The following DLG2 variants were observed in gnomAD, a reference collection of about 807,000 sequenced individuals.
DLG2 encodes the protein disks large homolog 2.
In DLG2, 45 loss-of-function variants were observed where a neutral mutation model predicts 132.5. The observed-to-expected ratio is 0.34, with a 90% CI of 0.27 to 0.44. The LOEUF is 0.44. Among genes scored for constraint, DLG2 ranks in the 20% least tolerant of loss-of-function variants. DLG2 has a pLI of 1.00. For missense variants in DLG2, 1,045 were observed against 1,196.9 expected (o/e 0.87, Z 1.87); for synonymous variants, 424 against 419.6 (o/e 1.01, Z -0.13).
intron 7 of DLG2, among the ~76,000 whole-genome samples, chr11:84,328,051 T>G (rs1384669460): frequency 1.3e-5 from 2 of 152,154 alleles, no homozygotes; most frequent in African/African-American, 4.8e-5. Flanking sequence ...CCGTTCTAGA[T>G]CCTCTACTGA....
chr11:83,921,167 G>T (rs2077812699), intron 15 of DLG2, among the ~76,000 whole-genome samples: 1 of 152,060 alleles, frequency 6.6e-6, no homozygotes. Flanking sequence ...GAGTTAATTT[G>T]TATAAAGTTC....
intron 19 of DLG2, among the ~76,000 whole-genome samples, chr11:83,585,743 A>G (rs540916297): frequency 6.6e-6 from 1 of 152,370 alleles, no homozygotes; most frequent in African/African-American, 2.4e-5. Flanking sequence ...CTAAGCATTT[A>G]TTACTAGACA....
At chr11:85,325,302 C>A (rs1263470970) in intron 3 of DLG2, among the ~76,000 whole-genome samples, 1 of 152,236 alleles carries the variant, frequency 6.6e-6, no homozygotes, top group African/African-American at 2.4e-5. Flanking sequence ...CCTCTGTAGG[C>A]TCCACGTCTG....
intron 3 of DLG2, among the ~76,000 whole-genome samples, chr11:85,467,923 G>T (rs918164590): frequency 1.3e-5 from 2 of 152,202 alleles, no homozygotes; most frequent in Non-Finnish European, 2.9e-5. Flanking sequence ...GAATCCAGCT[G>T]TGAATCCATC....
At chr11:85,128,216 AT>A (rs566807706) in intron 5 of DLG2, among the ~76,000 whole-genome samples, 2 of 152,132 alleles carry the variant, frequency 1.3e-5, no homozygotes, top group East Asian at 1.9e-4. Flanking sequence ...TTATTTGTAG[AT>A]TTTTTTTAAA....
At chr11:83,771,327 A>T (rs2094383761) in intron 18 of DLG2, among the ~76,000 whole-genome samples, 1 of 152,248 alleles carries the variant, frequency 6.6e-6, no homozygotes, top group African/African-American at 2.4e-5. Flanking sequence ...TCCCACAGTG[A>T]AGAATGCCTA....
chr11:85,149,638 A>C (rs948307460), intron 5 of DLG2, among the ~76,000 whole-genome samples: 6 of 152,200 alleles, frequency 3.9e-5, no homozygotes, highest in Non-Finnish European at 7.3e-5. Context: ...AGTATAAAAA[A>C]ACAGAATCCT....
chr11:84,905,946 A>G (rs2091455183), intron 6 of DLG2, among the ~76,000 whole-genome samples: 1 of 152,154 alleles, frequency 6.6e-6, no homozygotes, highest in African/African-American at 2.4e-5. Flanking sequence ...GATTGTCTAA[A>G]GTATAAGCAA....
intron 7 of DLG2, among the ~76,000 whole-genome samples, chr11:84,305,932 TG>T (rs1319427151): frequency 6.6e-6 from 1 of 152,168 alleles, no homozygotes; most frequent in Non-Finnish European, 1.5e-5. Flanking sequence ...GATTAATGTA[TG>T]GTATGGCAAT....
intron 11 of DLG2, among the ~76,000 whole-genome samples, chr11:84,036,186 G>C (rs78324237): frequency 6.6e-6 from 1 of 151,874 alleles, no homozygotes; most frequent in Non-Finnish European, 1.5e-5. Context: ...CTGAATCTTC[G>C]GGAACTCTAG....
chr11:83,723,245 G>T (rs1327270061), intron 18 of DLG2, among the ~76,000 whole-genome samples: 1 of 151,898 alleles, frequency 6.6e-6, no homozygotes, highest in Admixed American at 6.6e-5. Flanking sequence ...CTGGGCATGG[G>T]GGCGGGCACC....
At chr11:84,573,882 C>CTT (rs980918794) in intron 6 of DLG2, among the ~76,000 whole-genome samples, 3 of 152,156 alleles carry the variant, frequency 2.0e-5, no homozygotes, top group African/African-American at 7.2e-5. Context: ...ATGCACAAAA[C>CTT]TTATGAATAA....
intron 6 of DLG2, among the ~76,000 whole-genome samples, chr11:84,679,351 A>C (rs1480063233): frequency 1.3e-5 from 2 of 152,112 alleles, no homozygotes; most frequent in African/African-American, 4.8e-5. Flanking sequence ...GAATGTTTGC[A>C]AATGATGACA....
intron 6 of DLG2, among the ~76,000 whole-genome samples, chr11:84,730,525 T>C (rs982437246): frequency 1.3e-5 from 2 of 152,050 alleles, no homozygotes; most frequent in Non-Finnish European, 2.9e-5. Context: ...TATTTTTATA[T>C]TGTGTTGCCC....
At chr11:83,597,572 C>G (rs1410685866) in intron 19 of DLG2, among the ~76,000 whole-genome samples, 1 of 151,782 alleles carries the variant, frequency 6.6e-6, no homozygotes. Context: ...TAGTGTGTGC[C>G]TATAGTCGCC....
rs563079979 is a variant in DLG2, at chr11:84,353,076, G to A, written c.520-101785C>T. On this transcript the variant is annotated intron_variant, in intron 7 of 27. Coordinates refer to ENST00000376104, the MANE Select transcript of DLG2 (RefSeq NM_001142699.3). ...CCACTTTCAATATATTTTCTCTCCA[G>A]ATATCATTGTGTCTCCCTCCTATTT... Among the ~76,000 whole-genome samples the A allele has an allele frequency of 2.6e-5, 4 of 152,190 alleles. No individual in the cohort carries two copies. The South Asian group carries it at 8.3e-4, about 32-fold the overall frequency.
intron 11 of DLG2, among the ~76,000 whole-genome samples, chr11:84,008,002 C>T (rs565133164): frequency 6.6e-6 from 1 of 151,792 alleles, no homozygotes; most frequent in Admixed American, 6.6e-5. Context: ...ACACTTTAAA[C>T]CATTTACATT....
chr11:84,493,878 C>A (rs551628445), intron 7 of DLG2, among the ~76,000 whole-genome samples: 39 of 152,252 alleles, frequency 2.6e-4, no homozygotes, highest in African/African-American at 8.9e-4. Flanking sequence ...AACATGCCAT[C>A]TGAAAGGTTC....
chr11:84,807,045 C>T (rs1415622291), intron 6 of DLG2, among the ~76,000 whole-genome samples: 2 of 152,062 alleles, frequency 1.3e-5, no homozygotes, highest in Admixed American at 6.5e-5. Flanking sequence ...CCCAAACATA[C>T]TCTAGGAAAA....
Sources: allele counts gnomAD v4.1 joint callset (sites outside exome capture counted in the v4.1 genomes callset), GRCh38; gene constraint gnomAD v4.1.1; transcripts MANE v1.5; gene names NCBI Gene and HGNC (gene_info 2026-07-23, HGNC 2026-07-21).